Variants in RREB1 observed in about 807,000 individuals in gnomAD.
The protein encoded by RREB1 is ras responsive element binding protein 1.
A neutral mutation model predicts 117.8 loss-of-function variants in RREB1; 27 were observed. The ratio of observed to expected loss-of-function variants is 0.23; its 90% CI spans 0.17 to 0.32. The LOEUF is 0.32. RREB1 is among the 10% of genes least tolerant of loss of function. RREB1 has a pLI of 1.00. For synonymous variants in RREB1, 1,298 were observed against 1,026.7 expected, an observed-to-expected ratio of 1.26 and a Z score of -5.05; for missense variants, 2,577 against 2,378.2, an observed-to-expected ratio of 1.08 and a Z score of -1.74.
chr6:7,179,796 G>GCAGT (rs1764696664), intron 2 of RREB1, among the ~76,000 whole-genome samples: 2 of 147,730 alleles, frequency 1.4e-5, no homozygotes. Context: ...TTGAAACACA[G>GCAGT]TTTTTTTTTT....
chr6:7,148,108 G>T (rs913878868), intron 1 of RREB1, among the ~76,000 whole-genome samples: 3 of 152,152 alleles, frequency 2.0e-5, no homozygotes, highest in African/African-American at 2.4e-5. Flanking sequence ...GGGTATACGT[G>T]GGGGGAGAGG....
chr6:7,127,803 G>A (rs1406264171), intron 1 of RREB1, among the ~76,000 whole-genome samples: 1 of 152,096 alleles, frequency 6.6e-6, no homozygotes, highest in Non-Finnish European at 1.5e-5. Context: ...TTGCCAGCTC[G>A]CTGCTCACCT....
chr6:7,205,019 G>A (rs1382723439), intron 6 of RREB1, among the ~76,000 whole-genome samples: 1 of 152,232 alleles, frequency 6.6e-6, no homozygotes, highest in African/African-American at 2.4e-5. Flanking sequence ...TGGAGAGACT[G>A]CTGGTATATT....
intron 1 of RREB1, among the ~76,000 whole-genome samples, chr6:7,117,379 A>AGGT (rs1195587556): frequency 8.0e-6 from 1 of 125,002 alleles, no homozygotes; most frequent in African/African-American, 3.0e-5. Context: ...CCATGTGAAT[A>AGGT]GGTTTCCTGT....
chr6:7,144,595 G>A (rs1762774661), intron 1 of RREB1, among the ~76,000 whole-genome samples: 1 of 147,490 alleles, frequency 6.8e-6, no homozygotes, highest in African/African-American at 2.5e-5. Flanking sequence ...TTCTCTGGTT[G>A]TATACATTGA....
intron 1 of RREB1, among the ~76,000 whole-genome samples, chr6:7,169,574 G>T (rs960480511): frequency 4.6e-5 from 7 of 152,206 alleles, no homozygotes; most frequent in Non-Finnish European, 1.0e-4. Flanking sequence ...GGGGAGCCGG[G>T]TGCTGTGTGA....
chr6:7,240,701 T>C, intron 11 of RREB1, 99 bp downstream of exon 11: 1 of 1,085,542 alleles, frequency 9.2e-7, no homozygotes, highest in Non-Finnish European at 1.3e-6. Context: ...AGGGGCTGCT[T>C]GTTCACTTCT....
At chr6:7,122,084 A>G (rs1166803066) in intron 1 of RREB1, among the ~76,000 whole-genome samples, 2 of 152,302 alleles carry the variant, frequency 1.3e-5, no homozygotes, top group East Asian at 1.9e-4. Flanking sequence ...TTGGGCTCCC[A>G]TTTTGGATAA....
intron 11 of RREB1, 61 bp downstream of exon 11, chr6:7,240,663 T>C (rs1768650832): frequency 6.6e-7 from 1 of 1,520,416 alleles, no homozygotes; most frequent in South Asian, 1.2e-5. Flanking sequence ...CGGTTAAGAA[T>C]TGTAGCAAAC....
At position 7,176,357 on chromosome 6, in the gene RREB1, C is replaced by T. The variant is rs369162681; in HGVS notation, c.-284-298C>T. 2.6e-5 allele frequency among the ~76,000 whole-genome samples: 4 copies of T among 152,318 alleles called. No homozygotes were observed. In the South Asian group the frequency reaches 6.2e-4, roughly 24 times the overall value. On this transcript the variant is annotated intron_variant, in intron 1 of 12. Coordinates refer to ENST00000379938, the MANE Select transcript of RREB1 (RefSeq NM_001003699.4). ...GCCATTAGGATGCACGAAGCTCCCC[C>T]CCGGAGCCAGTGGTCCGAGCCATTC...
chr6:7,223,417 T>C, intron 8 of RREB1, among the ~76,000 whole-genome samples: 1 of 151,822 alleles, frequency 6.6e-6, no homozygotes, highest in Admixed American at 6.6e-5. Flanking sequence ...AAAAATTAGC[T>C]GGGCGTGGTG....
intron 6 of RREB1, among the ~76,000 whole-genome samples, chr6:7,196,718 A>G (rs561644299): frequency 9.9e-5 from 15 of 152,120 alleles, no homozygotes; most frequent in Admixed American, 2.0e-4. Context: ...TACTTATATT[A>G]TTTTAATTTA....
chr6:7,199,328 C>T (rs766679191), intron 6 of RREB1, among the ~76,000 whole-genome samples: 2 of 152,172 alleles, frequency 1.3e-5, no homozygotes, highest in Admixed American at 6.5e-5. Flanking sequence ...GTTAGGTGCT[C>T]AACAAATTGT....
chr6:7,126,637 C>T (rs1054378498), intron 1 of RREB1, among the ~76,000 whole-genome samples: 2 of 152,206 alleles, frequency 1.3e-5, no homozygotes, highest in African/African-American at 2.4e-5. Context: ...ACTGACCTAT[C>T]TTCTCTATTT....
chr6:7,199,185 C>A (rs1765810461), intron 6 of RREB1, among the ~76,000 whole-genome samples: 1 of 152,068 alleles, frequency 6.6e-6, no homozygotes, highest in African/African-American at 2.4e-5. Context: ...CTTTTCTGGC[C>A]AGGGCTGATA....
At chr6:7,233,807 T>C (rs1768140966) in intron 10 of RREB1, among the ~76,000 whole-genome samples, 1 of 152,106 alleles carries the variant, frequency 6.6e-6, no homozygotes, top group African/African-American at 2.4e-5. Flanking sequence ...TTCTCCTAGA[T>C]GAGGTGGAAC....
At chr6:7,227,846 A>G (rs1767677239) in intron 9 of RREB1, among the ~76,000 whole-genome samples, 2 of 152,224 alleles carry the variant, frequency 1.3e-5, no homozygotes, top group Admixed American at 6.5e-5. Context: ...CAAGTGGAAC[A>G]CTTGAGGCCA....
In RREB1 at chr6:7,229,649, C is replaced by T. The variant is rs1413099895; in HGVS notation, c.1550C>T (p.Thr517Met). Residue 517 changes from threonine (T) to methionine (M), a missense_variant, in exon 10 of 13, where the codon ACG (threonine) becomes ATG (methionine). Transcript: ENST00000379938. This position sits in a 1 kb window ranked among gnomAD's most constrained non-coding sequence, Gnocchi z 4.5. ...CCAAAGCCCCTGGTCACACCACGGA[C>T]GGTGGTGGCCACCTCCACGCCCCCG... ...LKPKPLVTPR[T>M]VVATSTPPPL... is the part of the protein sequence containing the mutation. 1.9e-6 allele frequency: 3 copies of T among 1,612,508 alleles called. No individual in the cohort carries two copies. The highest frequency in any genetic ancestry group is 3.3e-5 in the Admixed American group (2 of 59,934).
At chr6:7,149,018 G>A (rs936577058) in intron 1 of RREB1, among the ~76,000 whole-genome samples, 1 of 152,136 alleles carries the variant, frequency 6.6e-6, no homozygotes, top group South Asian at 2.1e-4. Flanking sequence ...TGCCTCCCAG[G>A]TTCAAGCAAT....
Sources: allele counts gnomAD v4.1 joint callset (sites outside exome capture counted in the v4.1 genomes callset), GRCh38; gene constraint gnomAD v4.1.1; non-coding constraint Gnocchi (gnomAD v3.1); transcripts MANE v1.5; gene names NCBI Gene and HGNC (gene_info 2026-07-23, HGNC 2026-07-21).